NRCAM: variants seen among roughly 807,000 people sequenced by gnomAD.
The protein encoded by NRCAM is neuronal cell adhesion molecule.
A neutral mutation model predicts 156.5 loss-of-function variants in NRCAM; 83 were observed. That is an observed-to-expected ratio of 0.53 (90% CI 0.44 to 0.64). The LOEUF (loss-of-function observed/expected upper bound fraction) is 0.64, where lower values mean the gene tolerates loss of function less well. NRCAM is among the 30% of genes least tolerant of loss of function. The pLI, the probability that NRCAM is intolerant of heterozygous loss-of-function variation, is 0.00. For missense variants in NRCAM, 1,417 were observed against 1,597.3 expected (o/e 0.89, Z 1.92); for synonymous variants, 538 against 563.9 (o/e 0.95, Z 0.65).
chr7:108,428,768 ACTTTTT>A (rs1392165664), intron 1 of NRCAM, among the ~76,000 whole-genome samples: 2 of 152,170 alleles, frequency 1.3e-5, no homozygotes, highest in Non-Finnish European at 2.9e-5. Flanking sequence ...AATTTTTCAT[ACTTTTT>A]CTTTTTCTCC....
intron 3 of NRCAM, among the ~76,000 whole-genome samples, chr7:108,286,283 G>A (rs923505526): frequency 1.5e-4 from 23 of 152,164 alleles, no homozygotes; most frequent in African/African-American, 5.3e-4. Flanking sequence ...CCACTGTGTA[G>A]AGCAGTATTT....
At chr7:108,422,570 AG>A (rs1811450557) in intron 1 of NRCAM, among the ~76,000 whole-genome samples, 1 of 152,182 alleles carries the variant, frequency 6.6e-6, no homozygotes, top group Non-Finnish European at 1.5e-5. Flanking sequence ...TTAAAGTAAA[AG>A]ATACAGGTCA....
chr7:108,354,129 A>G (rs2099458635), intron 2 of NRCAM, among the ~76,000 whole-genome samples: 1 of 152,234 alleles, frequency 6.6e-6, no homozygotes. Flanking sequence ...CTATATATGA[A>G]TTATCCAACA....
rs1219944322 is a variant in NRCAM at position 108,178,128 on chromosome 7, T to C, written c.2852-16A>G. On this transcript the variant is annotated splice_polypyrimidine_tract_variant and intron_variant, in intron 25 of 32. Coordinates refer to ENST00000379028, the MANE Select transcript of NRCAM (RefSeq NM_001037132.4). The stretch of plus-strand genomic sequence containing the variant: ...GCACTGGGGACTTACAGTGAGAACT[T>C]ACAGTCAACACAAAGATTTCTGAAT... 1 of 1,606,960 alleles carries C rather than the reference T, an allele frequency of 6.2e-7. No individual in the cohort carries two copies. The highest frequency in any genetic ancestry group is 8.5e-7 in the Non-Finnish European group (1 of 1,176,404).
chr7:108,239,818 C>T lies in NRCAM; in HGVS notation c.106+141G>A, dbSNP rs147180321. The stretch of plus-strand genomic sequence containing the variant: ...TGTGAATCTTTATAAACACCAGGTG[C>T]TGAAGGTAAAAGCCAAATTAATTTT... On this transcript the variant is annotated intron_variant, in intron 4 of 32. Coordinates refer to ENST00000379028, the MANE Select transcript of NRCAM (RefSeq NM_001037132.4). 7.1e-3 allele frequency: 3,838 copies of T among 539,146 alleles called. 25 individuals carry two copies. Among genetic ancestry groups the T allele is most frequent in the Non-Finnish European group, 9.8e-3 (2,945 of 301,772 alleles). 33.4% of individuals were successfully genotyped at this position (539,146 alleles called of 1,614,324 possible). A position where few individuals can be genotyped will look rare whatever the true frequency, so the allele number is the denominator to read the frequency against.
Position 108,175,303 on chromosome 7 carries a change from T to G in NRCAM, c.3187+19A>C. Reference sequence around the variant, plus strand: ...CAAATTTCACACATGTATAAAGTCATGCAGATGAATTATTTTACCTTTGCC... The same window carrying G: ...CAAATTTCACACATGTATAAAGTCAGGCAGATGAATTATTTTACCTTTGCC... On this transcript the variant is annotated intron_variant, in intron 28 of 32. Coordinates refer to ENST00000379028, the MANE Select transcript of NRCAM (RefSeq NM_001037132.4). 1.3e-6 allele frequency: 2 copies of G among 1,552,266 alleles called. No individual in the cohort carries two copies. The highest frequency in any genetic ancestry group is 8.7e-7 in the Non-Finnish European group (1 of 1,146,826).
At chr7:108,420,806 C>CT (rs1245521250) in intron 1 of NRCAM, among the ~76,000 whole-genome samples, 1 of 152,206 alleles carries the variant, frequency 6.6e-6, no homozygotes, top group African/African-American at 2.4e-5. Flanking sequence ...CTTTTACATT[C>CT]TTTCCATTGC....
intron 3 of NRCAM, among the ~76,000 whole-genome samples, chr7:108,253,632 T>C (rs2153932763): frequency 6.6e-6 from 1 of 152,366 alleles, no homozygotes; most frequent in South Asian, 2.1e-4. Flanking sequence ...GCTGGGTAAG[T>C]GAGTTAAAGA....
At chr7:108,314,363 T>C (rs2098850714) in intron 2 of NRCAM, among the ~76,000 whole-genome samples, 1 of 152,222 alleles carries the variant, frequency 6.6e-6, no homozygotes, top group African/African-American at 2.4e-5. Context: ...AATAGGGTAA[T>C]ACATCATTGC....
intron 32 of NRCAM, among the ~76,000 whole-genome samples, chr7:108,151,690 G>C (rs1158192906): frequency 1.3e-5 from 2 of 152,188 alleles, no homozygotes; most frequent in African/African-American, 4.8e-5. Context: ...GTCTGTGTTT[G>C]TGAGCATTTC....
intron 1 of NRCAM, among the ~76,000 whole-genome samples, chr7:108,455,139 T>C (rs1855305386): frequency 6.6e-6 from 1 of 152,096 alleles, no homozygotes; most frequent in African/African-American, 2.4e-5. Context: ...CAGCAGCGCT[T>C]GCGGCCCTGA....
intron 1 of NRCAM, among the ~76,000 whole-genome samples, chr7:108,417,235 T>C (rs531111811): frequency 7.9e-5 from 12 of 152,336 alleles, no homozygotes; most frequent in African/African-American, 2.6e-4. Flanking sequence ...GAAGCTGTTA[T>C]AACAGAAAAC....
chr7:108,155,969 G>A (rs1160187244), intron 32 of NRCAM, among the ~76,000 whole-genome samples: 1 of 151,988 alleles, frequency 6.6e-6, no homozygotes, highest in East Asian at 1.9e-4. Context: ...ATCCTACTGA[G>A]TAAAATTCGG....
At chr7:108,426,135 T>C (rs534124482) in intron 1 of NRCAM, among the ~76,000 whole-genome samples, 3 of 152,324 alleles carry the variant, frequency 2.0e-5, no homozygotes, top group African/African-American at 7.2e-5. Flanking sequence ...ACTAAGAAAA[T>C]AGCTACATCT....
intron 30 of NRCAM, among the ~76,000 whole-genome samples, chr7:108,163,215 T>C (rs1275122588): frequency 6.6e-6 from 1 of 152,210 alleles, no homozygotes; most frequent in Non-Finnish European, 1.5e-5. Context: ...AATGATAAAT[T>C]AAACACATAT....
chr7:108,317,898 G>C (rs556213697), intron 2 of NRCAM, among the ~76,000 whole-genome samples: 1 of 138,200 alleles, frequency 7.2e-6, no homozygotes, highest in African/African-American at 2.6e-5. Context: ...GACAGAGGGA[G>C]ACTCAGTCCC....
chr7:108,396,723 AATC>A (rs2099777940), intron 2 of NRCAM, among the ~76,000 whole-genome samples: 1 of 152,200 alleles, frequency 6.6e-6, no homozygotes, highest in Admixed American at 6.5e-5. Flanking sequence ...AAATATGTAT[AATC>A]ATTATGTATG....
chr7:108,259,952 A>G (rs556034087), intron 3 of NRCAM, among the ~76,000 whole-genome samples: 122 of 152,360 alleles, frequency 8.0e-4, no homozygotes, highest in African/African-American at 2.8e-3. Flanking sequence ...ACACTTACCT[A>G]TGTAACAAAC....
intron 14 of NRCAM, among the ~76,000 whole-genome samples, chr7:108,197,377 C>A (rs1027306417): frequency 2.0e-5 from 3 of 152,126 alleles, no homozygotes; most frequent in South Asian, 2.1e-4. Context: ...AATTCCCAGG[C>A]ACCATGAAAA....
Sources: allele counts gnomAD v4.1 joint callset (sites outside exome capture counted in the v4.1 genomes callset), GRCh38; gene constraint gnomAD v4.1.1; transcripts MANE v1.5; gene names NCBI Gene and HGNC (gene_info 2026-07-23, HGNC 2026-07-21).